ZNF654: variants seen among roughly 807,000 people sequenced by gnomAD.
ZNF654 encodes zinc finger protein 654, also known as melanoma-associated antigen.
ZNF654 carries 19 observed loss-of-function variants against 95.3 expected under a neutral mutation model. The ratio of observed to expected loss-of-function variants is 0.20; its 90% CI spans 0.14 to 0.29. The LOEUF (loss-of-function observed/expected upper bound fraction) is 0.29. Among genes scored for constraint, ZNF654 ranks in the 10% least tolerant of loss-of-function variants. The probability of loss-of-function intolerance (pLI) is 1.00; values close to 1 mark genes in which losing one functional copy is unlikely to be tolerated. For synonymous variants in ZNF654, 413 were observed against 457.9 expected, an observed-to-expected ratio of 0.90 and a Z score of 1.25; for missense variants, 1,046 against 1,341.0, an observed-to-expected ratio of 0.78 and a Z score of 3.44.
chr3:88,097,432 AG>A (rs1704129826), intron 2 of ZNF654, among the ~76,000 whole-genome samples: 6 of 152,016 alleles, frequency 3.9e-5, no homozygotes, highest in Non-Finnish European at 7.4e-5. Flanking sequence ...ATGAGACAGA[AG>A]GTTAACAAGG....
At position 88,113,209 on chromosome 3, in the gene ZNF654, T is replaced by G; in HGVS notation, c.414+13T>G. Reference sequence around the variant, plus strand: ...TGGATCATTCCAGGTAAAAAACAGTTTACTACTTCACACTTTGTCTACACT... The same window carrying G: ...TGGATCATTCCAGGTAAAAAACAGTGTACTACTTCACACTTTGTCTACACT... On this transcript the variant is annotated intron_variant, in intron 3 of 8. Coordinates refer to ENST00000636215, the MANE Select transcript of ZNF654 (RefSeq NM_001350134.2). 2.0e-6 allele frequency: 3 copies of G among 1,495,838 alleles called. No homozygotes were observed. Among genetic ancestry groups the G allele is most frequent in the Non-Finnish European group, 2.7e-6 (3 of 1,112,468 alleles). 92.7% of individuals were successfully genotyped at this position (1,495,838 alleles called of 1,614,324 possible).
In ZNF654 at chr3:88,071,590, C is replaced by G. The variant is rs190727110; in HGVS notation, c.186+12085C>G. Reference sequence around the variant, plus strand: ...GGCGGAGCTTGCAGTGAGCTGAGATCGCGCCACTGCACTCCAGCCTGGGTG... The same window carrying G: ...GGCGGAGCTTGCAGTGAGCTGAGATGGCGCCACTGCACTCCAGCCTGGGTG... On this transcript the variant is annotated intron_variant, in intron 1 of 8. Transcript: ENST00000636215. Among the ~76,000 whole-genome samples, 1,051 of 152,232 alleles carry G rather than the reference C, an allele frequency of 6.9e-3. 8 individuals are homozygous for G. Among genetic ancestry groups the G allele is most frequent in the Middle Eastern group, 0.02 (6 of 294 alleles).
At position 88,071,804 on chromosome 3, in the gene ZNF654, C is replaced by CA. The variant is rs1394876489; in HGVS notation, c.186+12309dup. On this transcript the variant is annotated intron_variant, in intron 1 of 8. Transcript: ENST00000636215. Reference sequence around the variant, plus strand: ...GGGCGACAAGAGTGAGACTCCGTCTCAAAAAAAAAATCAAAAACACTTCCG... The same window carrying CA: ...GGGCGACAAGAGTGAGACTCCGTCTCAAAAAAAAAAATCAAAAACACTTCCG... Among the ~76,000 whole-genome samples, 441 of 149,638 alleles carry CA rather than the reference C, an allele frequency of 2.9e-3. 3 individuals are homozygous for CA. Among genetic ancestry groups the CA allele is most frequent in the African/African-American group, 9.5e-3 (385 of 40,720 alleles).
intron 2 of ZNF654, chr3:88,095,271 A>G (rs921917594): frequency 3.5e-5 from 6 of 171,560 alleles, no homozygotes; most frequent in Non-Finnish European, 7.4e-5. Context: ...AACCAATACC[A>G]TCTTTTCTCC....
At chr3:88,100,769 T>C (rs562048214) in intron 2 of ZNF654, among the ~76,000 whole-genome samples, 100 of 151,920 alleles carry the variant, frequency 6.6e-4, no homozygotes, top group African/African-American at 2.3e-3. Context: ...ATGAGAACAC[T>C]TGGACACAGG....
intron 1 of ZNF654, among the ~76,000 whole-genome samples, chr3:88,075,794 T>C (rs1446766825): frequency 2.0e-5 from 3 of 152,192 alleles, no homozygotes; most frequent in Non-Finnish European, 2.9e-5. Flanking sequence ...CAGTTATCTC[T>C]TGTAGTGTCT....
rs1338465918 is a variant in ZNF654 at position 88,137,892 on chromosome 3, G to GATATAT, written c.1036-809_1036-804dup. On this transcript the variant is annotated intron_variant, in intron 7 of 8. Transcript: ENST00000636215. ...ATACTATACCATATGTAGGCAGTATGATATATATACATATATATGATGTTA... is the reference window on the plus strand; with the variant it reads ...ATACTATACCATATGTAGGCAGTATGATATATATATATATACATATATATGATGTTA... 2.4e-3 allele frequency among the ~76,000 whole-genome samples: 363 copies of GATATAT among 151,814 alleles called. 1 individual carries two copies. The highest frequency in any genetic ancestry group is 8.5e-3 in the African/African-American group (351 of 41,374).
chr3:88,060,700 A>G (rs1706824104), intron 1 of ZNF654, among the ~76,000 whole-genome samples: 1 of 152,200 alleles, frequency 6.6e-6, no homozygotes, highest in African/African-American at 2.4e-5. Flanking sequence ...TCGTTCTGAT[A>G]ACAAGTAGGA....
At chr3:88,076,432 T>C (rs1180317617) in intron 1 of ZNF654, among the ~76,000 whole-genome samples, 29 of 152,210 alleles carry the variant, frequency 1.9e-4, no homozygotes, top group Non-Finnish European at 2.9e-5. Context: ...CTTTTTCTTT[T>C]TTGATATCTG....
intron 2 of ZNF654, among the ~76,000 whole-genome samples, chr3:88,087,353 G>A (rs1576240602): frequency 6.6e-6 from 1 of 152,208 alleles, no homozygotes; most frequent in East Asian, 1.9e-4. Context: ...GGGATTACAG[G>A]CGTGAGCTAC....
chr3:88,061,070 G>A (rs1229330371), intron 1 of ZNF654, among the ~76,000 whole-genome samples: 1 of 152,006 alleles, frequency 6.6e-6, no homozygotes, highest in Non-Finnish European at 1.5e-5. Flanking sequence ...TGAATTTAGA[G>A]GTTCAGTGTC....
chr3:88,104,984 C>A (rs1576287366), intron 2 of ZNF654, among the ~76,000 whole-genome samples: 1 of 151,980 alleles, frequency 6.6e-6, no homozygotes, highest in African/African-American at 2.4e-5. Flanking sequence ...ACTAAAAATA[C>A]CAAAAATTAG....
intron 6 of ZNF654, among the ~76,000 whole-genome samples, chr3:88,131,184 C>T (rs1467883954): frequency 2.6e-5 from 4 of 152,098 alleles, no homozygotes; most frequent in African/African-American, 9.7e-5. Flanking sequence ...GCAATTATAA[C>T]ACAATGGTAA....
chr3:88,112,663 A>G (rs1379023178), intron 2 of ZNF654, among the ~76,000 whole-genome samples: 1 of 151,794 alleles, frequency 6.6e-6, no homozygotes, highest in Non-Finnish European at 1.5e-5. Context: ...TTTTATGGTG[A>G]TTTTCTAACT....
At position 88,140,843 on chromosome 3, in the gene ZNF654, A is replaced by G; in HGVS notation, c.3174A>G (p.Glu1058=). The G allele has an allele frequency of 6.2e-7, 1 of 1,613,712 alleles. No individual in the cohort carries two copies. Among genetic ancestry groups the G allele is most frequent in the South Asian group, 1.1e-5 (1 of 91,070 alleles). The change falls in exon 8 of 9, where the codon GAA becomes GAG. Residue 1058 remains glutamate (E), a synonymous_variant. Transcript: ENST00000636215. ...CATTGCCTCCCAGTTACCTTGATGA[A>G]CGGTATCTTAGTATGCCAAAACGCA... The part of the protein sequence containing the change: ...VRPLPPSYLD[E]RYLSMPKRRK...
chr3:88,074,586 C>T (rs1360754452), intron 1 of ZNF654, among the ~76,000 whole-genome samples: 2 of 152,102 alleles, frequency 1.3e-5, no homozygotes, highest in African/African-American at 2.4e-5. Context: ...AAGTGATCCG[C>T]CTGCCTCGGC....
intron 2 of ZNF654, among the ~76,000 whole-genome samples, chr3:88,088,839 C>G (rs1323983524): frequency 1.3e-5 from 2 of 151,866 alleles, no homozygotes; most frequent in Non-Finnish European, 2.9e-5. Context: ...GTGGCATGAT[C>G]TCGGCTCACT....
chr3:88,128,656 G>C (rs182532474), intron 4 of ZNF654, among the ~76,000 whole-genome samples, 153 bp from the exon 5 acceptor site: 55 of 152,030 alleles, frequency 3.6e-4, no homozygotes. Context: ...CCATATAACT[G>C]AATATTTTCA....
intron 1 of ZNF654, among the ~76,000 whole-genome samples, chr3:88,085,452 A>G (rs1352133861): frequency 6.6e-6 from 1 of 152,232 alleles, no homozygotes; most frequent in Non-Finnish European, 1.5e-5. Flanking sequence ...TTAAAAATGT[A>G]AAATCACTTT....
Sources: gnomAD v4.1 joint callset for allele counts (sites outside exome capture counted in the v4.1 genomes callset) on GRCh38, gnomAD v4.1.1 for gene constraint, MANE v1.5 for transcripts, NCBI Gene and HGNC (gene_info 2026-07-23, HGNC 2026-07-21) for gene names.